Variants in DNAH14 observed in about 807,000 individuals in gnomAD.
DNAH14 encodes dynein axonemal heavy chain 14.
In DNAH14, 478 loss-of-function variants were observed where a neutral mutation model predicts 520.9. The ratio of observed to expected loss-of-function variants is 0.92; its 90% CI spans 0.85 to 0.99. DNAH14 has a LOEUF of 0.99. DNAH14 is among the 50% of genes least tolerant of loss of function. DNAH14 has a pLI of 0.00. For synonymous variants in DNAH14, 1,581 were observed against 1,757.2 expected (o/e 0.90, Z 2.51); for missense variants, 4,831 against 5,234.5 (o/e 0.92, Z 2.38).
chr1:225,294,025 G>C (rs372416770), intron 55 of DNAH14, among the ~76,000 whole-genome samples: 2 of 152,082 alleles, frequency 1.3e-5, no homozygotes, highest in African/African-American at 4.8e-5. Flanking sequence ...TTAGCTCTCA[G>C]AGGAAAAGCT....
At chr1:225,327,526 T>TA (rs2094702767) in intron 64 of DNAH14, among the ~76,000 whole-genome samples, 1 of 152,028 alleles carries the variant, frequency 6.6e-6, no homozygotes, top group Non-Finnish European at 1.5e-5. Flanking sequence ...AGAAAATACT[T>TA]AGAGACAAAT....
intron 50 of DNAH14, 66 bp from the exon 51 acceptor site, chr1:225,271,840 A>G: frequency 7.8e-7 from 1 of 1,282,668 alleles, no homozygotes; most frequent in Non-Finnish European, 1.1e-6. Flanking sequence ...TTTTAGTGGA[A>G]GGTAGCCAGA....
At chr1:225,190,867 T>C (rs1428879251) in intron 37 of DNAH14, among the ~76,000 whole-genome samples, 4 of 151,998 alleles carry the variant, frequency 2.6e-5, no homozygotes, top group Admixed American at 1.3e-4. Flanking sequence ...ACCCAGACTG[T>C]GGTATTTTGT....
At chr1:224,956,434 A>G (rs991848808) in intron 3 of DNAH14, among the ~76,000 whole-genome samples, 1 of 152,228 alleles carries the variant, frequency 6.6e-6, no homozygotes, top group East Asian at 1.9e-4. Flanking sequence ...AATACATACT[A>G]TAGTGTTACA....
intron 82 of DNAH14, among the ~76,000 whole-genome samples, chr1:225,389,194 T>C (rs1038025346): frequency 2.6e-5 from 4 of 152,242 alleles, no homozygotes; most frequent in African/African-American, 4.8e-5. Flanking sequence ...CACTCAGTTC[T>C]CACAGCAGCC....
At chr1:225,385,655 A>C (rs1427090740) in intron 81 of DNAH14, among the ~76,000 whole-genome samples, 1 of 152,218 alleles carries the variant, frequency 6.6e-6, no homozygotes, top group Non-Finnish European at 1.5e-5. Flanking sequence ...TAAAATACTT[A>C]GGAATCCAAC....
In DNAH14 at chr1:225,156,439, G is replaced by A. The variant is rs138628063; in HGVS notation, c.5273+2613G>A. ...CTCCTCCAGCTTCTGGTGGTTGCCT[G>A]CATTTCCTGGCTTACGACCACAGCA... On this transcript the variant is annotated intron_variant, in intron 34 of 85. Coordinates refer to ENST00000682510, the MANE Select transcript of DNAH14 (RefSeq NM_001367479.1). Among the ~76,000 whole-genome samples, 534 of 152,232 alleles carry A rather than the reference G, an allele frequency of 3.5e-3. 4 individuals carry two copies. Among genetic ancestry groups the A allele is most frequent in the African/African-American group, 0.012 (517 of 41,526 alleles).
At chr1:225,048,338 A>G (rs1162847784) in intron 15 of DNAH14, among the ~76,000 whole-genome samples, 2 of 151,682 alleles carry the variant, frequency 1.3e-5, no homozygotes, top group African/African-American at 2.4e-5. Flanking sequence ...CTGTCTCTAC[A>G]AAATATACAA....
At chr1:225,134,769 A>G (rs1301819963) in intron 27 of DNAH14, among the ~76,000 whole-genome samples, 1 of 151,902 alleles carries the variant, frequency 6.6e-6, no homozygotes, top group Non-Finnish European at 1.5e-5. Flanking sequence ...CTTCCTCTTC[A>G]ATTTTTTGGA....
At chr1:225,205,412 G>A (rs1344003138) in intron 39 of DNAH14, among the ~76,000 whole-genome samples, 1 of 152,196 alleles carries the variant, frequency 6.6e-6, no homozygotes, top group African/African-American at 2.4e-5. Flanking sequence ...CTAGTGCCAT[G>A]ATCTTGGACT....
intron 83 of DNAH14, among the ~76,000 whole-genome samples, chr1:225,391,020 C>T (rs1169589701): frequency 1.3e-5 from 2 of 152,144 alleles, no homozygotes; most frequent in Non-Finnish European, 2.9e-5. Flanking sequence ...AATGACTGGA[C>T]TAAGCGGGGA....
chr1:225,173,602 A>T (rs939708297), intron 36 of DNAH14, among the ~76,000 whole-genome samples: 2 of 152,230 alleles, frequency 1.3e-5, no homozygotes, highest in African/African-American at 4.8e-5. Context: ...TCAAAAAGTC[A>T]GGAAACAACA....
intron 1 of DNAH14, among the ~76,000 whole-genome samples, chr1:224,952,092 A>G (rs903477308): frequency 7.9e-5 from 12 of 152,210 alleles, no homozygotes; most frequent in African/African-American, 2.7e-4. Flanking sequence ...CTTCAGTTAC[A>G]GTACACGGCC....
intron 81 of DNAH14, among the ~76,000 whole-genome samples, chr1:225,382,219 C>T (rs2095791888): frequency 6.6e-6 from 1 of 152,106 alleles, no homozygotes; most frequent in African/African-American, 2.4e-5. Context: ...CAACTTCACA[C>T]CTACTAAGAT....
At chr1:225,368,729 G>A (rs938554921) in intron 77 of DNAH14, among the ~76,000 whole-genome samples, 6 of 151,878 alleles carry the variant, frequency 4.0e-5, no homozygotes, top group African/African-American at 1.2e-4. Context: ...GGAAAATCTT[G>A]ATTCTGCCTC....
chr1:225,335,880 T>C lies in DNAH14; in HGVS notation c.10081-1386T>C, dbSNP rs542994158. Among the ~76,000 whole-genome samples, 24 of 23,716 alleles carry C rather than the reference T, an allele frequency of 1.0e-3. 3 individuals carry two copies. Among genetic ancestry groups the C allele is most frequent in the African/African-American group, 4.4e-3 (17 of 3,882 alleles). The allele number at this position is 23,716 out of a possible 152,430, so 15.6% of individuals were successfully genotyped here. A position where few individuals can be genotyped will look rare whatever the true frequency, so the allele number is the denominator to read the frequency against. ...ACATATATGTACATACACATATACA[T>C]ATATGTACATATACATACATATATG... On this transcript the variant is annotated intron_variant, in intron 66 of 85. Coordinates refer to ENST00000682510, the MANE Select transcript of DNAH14 (RefSeq NM_001367479.1).
At chr1:225,388,588 A>C in intron 82 of DNAH14, 97 bp downstream of exon 82, 1 of 668,846 alleles carries the variant, frequency 1.5e-6, no homozygotes. Flanking sequence ...TTGGGTTCTC[A>C]CAGTAATGTG....
chr1:224,998,881 T>C (rs934283190), intron 8 of DNAH14, among the ~76,000 whole-genome samples: 1 of 152,202 alleles, frequency 6.6e-6, no homozygotes, highest in East Asian at 1.9e-4. Context: ...AATTGTGGAT[T>C]TGTCTCTTTT....
chr1:225,271,385 T>G (rs191847344), intron 50 of DNAH14, among the ~76,000 whole-genome samples: 214 of 152,334 alleles, frequency 1.4e-3, no homozygotes, highest in Non-Finnish European at 2.7e-3. Flanking sequence ...CTTTAAATTT[T>G]ATATTAAAGA....
Sources: allele counts gnomAD v4.1 joint callset (sites outside exome capture counted in the v4.1 genomes callset), GRCh38; gene constraint gnomAD v4.1.1; transcripts MANE v1.5; gene names NCBI Gene and HGNC (gene_info 2026-07-23, HGNC 2026-07-21).